Variants in SHF observed in about 807,000 individuals in gnomAD.
The protein encoded by SHF is SH2 domain-containing adapter protein F.
Under a neutral mutation model 42.4 loss-of-function variants are expected in SHF, and 30 were observed. That is an observed-to-expected ratio of 0.71 (90% CI 0.53 to 0.96). The LOEUF is 0.96. Ranked by LOEUF, SHF falls within the 40% of genes least tolerant of loss-of-function variation. SHF has a pLI of 0.00. For missense variants in SHF, 598 were observed against 634.0 expected, an observed-to-expected ratio of 0.94 and a Z score of 0.61; for synonymous variants, 264 against 269.9, an observed-to-expected ratio of 0.98 and a Z score of 0.21.
Position 45,187,459 on chromosome 15 carries a change from C to A in SHF, c.493G>T (p.Asp165Tyr). Residue 165 changes from aspartate to tyrosine, a missense_variant, in exon 1 of 7, where the codon GAT becomes TAT. Transcript: ENST00000690270. ...CGGCCCGGCGCGGCACTCACCCTATCGCTGCTGGCGGGGGGTCCGGAGATC... is the reference window on the plus strand; with the variant it reads ...CGGCCCGGCGCGGCACTCACCCTATAGCTGCTGGCGGGGGGTCCGGAGATC... ...ERISGPPASS[D>Y]RLAILEDYAD... The A allele has an allele frequency of 1.6e-6, 2 of 1,232,576 alleles. No individual in the cohort carries two copies. The highest frequency in any genetic ancestry group is 4.1e-5 in the South Asian group (1 of 24,372). The allele number at this position is 1,232,576 out of a possible 1,614,324, so 76.4% of individuals were successfully genotyped here. A position where few individuals can be genotyped will look rare whatever the true frequency, so the allele number is the denominator to read the frequency against.
upstream of SHF, among the ~76,000 whole-genome samples, chr15:45,191,345 G>T (rs1480371864): frequency 2.0e-5 from 3 of 152,118 alleles, no homozygotes; most frequent in Admixed American, 2.0e-4. Context: ...ACCATACCTG[G>T]CTAATTTATT....
At chr15:45,184,096 G>A (rs1898262124) in intron 1 of SHF, among the ~76,000 whole-genome samples, 1 of 152,138 alleles carries the variant, frequency 6.6e-6, no homozygotes, top group Admixed American at 6.5e-5. Flanking sequence ...CCCCAAAAAG[G>A]CAAGTATGAG....
upstream of SHF, among the ~76,000 whole-genome samples, chr15:45,192,334 A>G (rs1223487588): frequency 1.7e-5 from 2 of 119,188 alleles, no homozygotes; most frequent in Non-Finnish European, 3.5e-5. Context: ...AACTCCCTAC[A>G]GTTTTTTTTT....
At chr15:45,196,088 T>C (rs1388696821) in intron 2 of SHF, among the ~76,000 whole-genome samples, 4 of 148,240 alleles carry the variant, frequency 2.7e-5, no homozygotes, top group Non-Finnish European at 5.9e-5. Context: ...TCCAGATTGC[T>C]GACTTCCTGT....
intron 1 of SHF, among the ~76,000 whole-genome samples, chr15:45,180,226 G>A (rs1898055298): frequency 6.6e-6 from 1 of 152,156 alleles, no homozygotes; most frequent in African/African-American, 2.4e-5. Flanking sequence ...GTTTCTCCTT[G>A]ATCATCGCCT....
Position 45,173,705 on chromosome 15 carries a change from C to T in SHF, c.859G>A (p.Val287Ile). The T allele has an allele frequency of 6.4e-7, 1 of 1,551,818 alleles. No individual in the cohort carries two copies. Among genetic ancestry groups the T allele is most frequent in the Non-Finnish European group, 8.7e-7 (1 of 1,147,002 alleles). Residue 287 changes from valine to isoleucine, a missense_variant, in exon 4 of 7, where the codon GTC (valine) becomes ATC (isoleucine). Coordinates refer to ENST00000690270, the MANE Select transcript of SHF (RefSeq NM_001394037.1). ...ISKAFAVDIK[V>I]IKDLPWPPPV... The stretch of plus-strand genomic sequence containing the variant: ...GGAGGCCAAGGTAGGTCTTTGATGA[C>T]CTTAATGTCAACTGGAGCCAGCAGC...
chr15:45,200,959 G>T, exon 1 of SHF: 1 of 426,520 alleles, frequency 2.3e-6, no homozygotes, highest in Non-Finnish European at 4.7e-6. Flanking sequence ...CCCTTCTTTT[G>T]CGGTCCGTGC....
In SHF at chr15:45,168,003, T is replaced by C; in HGVS notation, c.1411A>G (p.Ile471Val). 6.2e-7 allele frequency: 1 copy of C among 1,613,540 alleles called. No homozygotes were observed. Among genetic ancestry groups the C allele is most frequent in the Non-Finnish European group, 8.5e-7 (1 of 1,179,642 alleles). ...VHHYASRKLPIKGAEHMSLLY... is the reference protein window; with the variant it reads ...VHHYASRKLPVKGAEHMSLLY... ...AGGGACATGTGTTCGGCTCCCTTAA[T>C]GGGTAGCTTGCGGCTGGCATAGTGG... is the stretch of plus-strand genomic sequence containing the variant. Residue 471 changes from isoleucine to valine, a missense_variant, in exon 7 of 7, where the codon ATT (isoleucine) becomes GTT (valine). Coordinates refer to ENST00000690270, the MANE Select transcript of SHF (RefSeq NM_001394037.1).
At chr15:45,170,675 A>C in intron 6 of SHF, 1 of 289,176 alleles carries the variant, frequency 3.5e-6, no homozygotes, top group Non-Finnish European at 6.3e-6. Flanking sequence ...TCTGAGACAG[A>C]GTCTTGCTGT....
Position 45,175,201 on chromosome 15 carries a change from C to G in SHF, c.847+18G>C. On this transcript the variant is annotated intron_variant, in intron 3 of 6. Transcript: ENST00000690270. ...GCTCAGAGGCCCCAGCTGACCTGCC[C>G]TCTCCACCAGGACTCACCTGCAAAG... The G allele has an allele frequency of 4.4e-6, 7 of 1,599,736 alleles. No individual in the cohort carries two copies. The highest frequency in any genetic ancestry group is 6.0e-6 in the Non-Finnish European group (7 of 1,174,880).
At chr15:45,200,167 A>C (rs1171916207) in intron 1 of SHF, among the ~76,000 whole-genome samples, 1 of 151,980 alleles carries the variant, frequency 6.6e-6, no homozygotes, top group African/African-American at 2.4e-5. Flanking sequence ...ATTTGTACGT[A>C]TGTCTACTAC....
chr15:45,173,464 T>G, intron 4 of SHF, 112 bp downstream of exon 4: 1 of 1,386,738 alleles, frequency 7.2e-7, no homozygotes, highest in Non-Finnish European at 9.3e-7. Context: ...CCAAATGAGA[T>G]TCTTCCTGGG....
intron 1 of SHF, among the ~76,000 whole-genome samples, chr15:45,184,296 C>T (rs530670477): frequency 6.6e-6 from 1 of 152,292 alleles, no homozygotes; most frequent in South Asian, 2.1e-4. Flanking sequence ...TCTGTTTACT[C>T]CTTTCCAAAT....
intron 1 of SHF, among the ~76,000 whole-genome samples, chr15:45,182,903 T>C (rs1898202235): frequency 6.6e-6 from 1 of 152,220 alleles, no homozygotes; most frequent in Non-Finnish European, 1.5e-5. Context: ...ACAAATGTCT[T>C]TCCCTTTTCT....
At chr15:45,189,861 G>A (rs891148468), upstream of SHF, among the ~76,000 whole-genome samples, 1 of 152,276 alleles carries the variant, frequency 6.6e-6, no homozygotes, top group Non-Finnish European at 1.5e-5. Flanking sequence ...CTAGTTGGGC[G>A]AGGTGGCTCA....
At chr15:45,181,053 A>G (rs1898098128) in intron 1 of SHF, 1 of 152,220 alleles carries the variant, frequency 6.6e-6, no homozygotes, top group South Asian at 2.1e-4. Flanking sequence ...CCTCCACTCC[A>G]TAGAGCCCCT....
At chr15:45,193,936 CAAA>C (rs776163657) in intron 2 of SHF, among the ~76,000 whole-genome samples, 5 of 125,116 alleles carry the variant, frequency 4.0e-5, no homozygotes, top group Non-Finnish European at 3.5e-5. Context: ...CCTTCTGTAC[CAAA>C]AAAAAAAAAA....
Position 45,178,537 on chromosome 15 carries a change from T to TC in SHF, c.499-232_499-231insG, listed in dbSNP as rs796597285. ...AGTGGTACCTCTTTCCTTCTTTCTT[T>TC]TTTTTTTTTTTTTTTGAGACAGAGT... On this transcript the variant is annotated intron_variant, in intron 1 of 6. Coordinates refer to ENST00000690270, the MANE Select transcript of SHF (RefSeq NM_001394037.1). Among the ~76,000 whole-genome samples the TC allele has an allele frequency of 2.9e-3, 426 of 146,802 alleles. 2 individuals carry two copies. Among genetic ancestry groups the TC allele is most frequent in the African/African-American group, 1.0e-2 (401 of 40,220 alleles).
At chr15:45,182,007 T>A (rs756161608) in intron 1 of SHF, among the ~76,000 whole-genome samples, 2 of 152,174 alleles carry the variant, frequency 1.3e-5, no homozygotes, top group Non-Finnish European at 2.9e-5. Context: ...GCAGGGTGCC[T>A]CCAGGACTCT....
Sources: gnomAD v4.1 joint callset for allele counts (sites outside exome capture counted in the v4.1 genomes callset) on GRCh38, gnomAD v4.1.1 for gene constraint, MANE v1.5 for transcripts, NCBI Gene and HGNC (gene_info 2026-07-23, HGNC 2026-07-21) for gene names.